KDM6A: variants seen among roughly 807,000 people sequenced by gnomAD.
KDM6A encodes the protein lysine demethylase 6A, also known as lysine-specific demethylase 6A.
Under a neutral mutation model 117.6 loss-of-function variants are expected in KDM6A, and 11 were observed. The ratio of observed to expected loss-of-function variants is 0.09; its 90% confidence interval spans 0.06 to 0.15. The LOEUF (loss-of-function observed/expected upper bound fraction) is 0.15. Ranked by LOEUF, KDM6A falls within the 10% of genes least tolerant of loss-of-function variation. The pLI is 1.00. For synonymous variants in KDM6A, 384 were observed against 396.1 expected (o/e 0.97, Z 0.36); for missense variants, 799 against 1,077.3 (o/e 0.74, Z 3.62).
At chrX:45,035,074 A>AT in intron 7 of KDM6A, 89 bp downstream of exon 7, 1 of 805,489 alleles carries the variant, frequency 1.2e-6, no homozygotes, top group South Asian at 2.1e-5. Flanking sequence ...ATTCTGTGCA[A>AT]TTTTTTCTTT....
At chrX:45,044,825 A>G (rs181828186) in intron 8 of KDM6A, among the ~76,000 whole-genome samples, 109 of 111,776 alleles carry the variant, frequency 9.8e-4, no homozygotes, top group Non-Finnish European at 1.5e-4. Context: ...ATTTTGAATA[A>G]CACTGTTTAT....
At chrX:44,952,388 C>T (rs773588827) in intron 2 of KDM6A, among the ~76,000 whole-genome samples, 1 of 108,572 alleles carries the variant, frequency 9.2e-6, no homozygotes, top group African/African-American at 3.4e-5. Context: ...TCTCCTGCCT[C>T]AGCCTCCTGA....
chrX:44,914,265 A>G (rs1041415659), intron 2 of KDM6A, among the ~76,000 whole-genome samples: 3 of 112,202 alleles, frequency 2.7e-5, no homozygotes, highest in Non-Finnish European at 5.6e-5. Flanking sequence ...CAGCACGCCT[A>G]TCTGCCTCGT....
intron 4 of KDM6A, among the ~76,000 whole-genome samples, chrX:44,980,523 A>G (rs1050740909): frequency 5.5e-5 from 6 of 108,448 alleles, no homozygotes; most frequent in Non-Finnish European, 7.6e-5. Context: ...CTCTACAGCA[A>G]TACTTCATAG....
chrX:44,981,736 A>T (rs1196236927), intron 4 of KDM6A, among the ~76,000 whole-genome samples: 3 of 110,987 alleles, frequency 2.7e-5, no homozygotes, highest in Admixed American at 9.6e-5. Flanking sequence ...ACAGCCCCCA[A>T]CCTGAAGCTA....
intron 20 of KDM6A, 45 bp from the exon 21 acceptor site, chrX:45,079,101 C>A: frequency 9.7e-7 from 1 of 1,033,450 alleles, no homozygotes; most frequent in Non-Finnish European, 1.3e-6. Context: ...AATATTATCC[C>A]AAATATAATT....
intron 2 of KDM6A, among the ~76,000 whole-genome samples, chrX:44,956,254 A>T (rs1045523977): frequency 8.9e-6 from 1 of 112,238 alleles, no homozygotes; most frequent in African/African-American, 3.2e-5. Flanking sequence ...TGCTATTCAG[A>T]ACTGATAATG....
chrX:44,962,953 G>C (rs1266196872), intron 3 of KDM6A, among the ~76,000 whole-genome samples: 1 of 111,391 alleles, frequency 9.0e-6, no homozygotes. Context: ...GAACTTTGTC[G>C]CATCAGTGGA....
intron 2 of KDM6A, among the ~76,000 whole-genome samples, chrX:44,912,067 G>A (rs752929123): frequency 3.7e-5 from 4 of 107,408 alleles, no homozygotes; most frequent in African/African-American, 1.4e-4. Context: ...GGAGGGAGAG[G>A]GAGAGGTTAT....
chrX:44,907,564 T>C (rs1373048265), intron 2 of KDM6A, among the ~76,000 whole-genome samples: 3 of 103,297 alleles, frequency 2.9e-5, no homozygotes, highest in African/African-American at 1.1e-4. Context: ...CACTGCAACC[T>C]TCACTTCCCG....
intron 4 of KDM6A, among the ~76,000 whole-genome samples, chrX:45,009,090 A>G (rs2041638400): frequency 8.9e-6 from 1 of 112,187 alleles, no homozygotes; most frequent in Admixed American, 9.4e-5. Flanking sequence ...CCTGATCCAA[A>G]CCCCAGGTTG....
chrX:44,940,349 T>C (rs1006473497), intron 2 of KDM6A, among the ~76,000 whole-genome samples: 2 of 111,706 alleles, frequency 1.8e-5, no homozygotes, highest in Non-Finnish European at 3.8e-5. Context: ...CCACCATGCC[T>C]GGCTGATGTC....
intron 28 of KDM6A, among the ~76,000 whole-genome samples, 160 bp from the exon 29 acceptor site, chrX:45,109,919 G>A (rs1366124434): frequency 1.8e-5 from 2 of 111,451 alleles, no homozygotes; most frequent in African/African-American, 6.5e-5. Flanking sequence ...AACCTGGTCT[G>A]TTAAAGATTC....
At chrX:44,966,972 C>T (rs1048567913) in intron 3 of KDM6A, among the ~76,000 whole-genome samples, 37 of 107,092 alleles carry the variant, frequency 3.5e-4, no homozygotes, top group Non-Finnish European at 4.8e-4. Context: ...CGGGTTCACG[C>T]CATTCTCCTG....
chrX:44,895,174 C>A (rs766837428), intron 2 of KDM6A, among the ~76,000 whole-genome samples: 2 of 108,457 alleles, frequency 1.8e-5, no homozygotes, highest in South Asian at 3.9e-4. Context: ...GGCACGATCT[C>A]GGCTCATTGC....
At chrX:44,879,970 T>A (rs763378513) in intron 2 of KDM6A, among the ~76,000 whole-genome samples, 21 of 110,025 alleles carry the variant, frequency 1.9e-4, no homozygotes, top group Admixed American at 5.8e-4. Context: ...GTCAGGAGTT[T>A]GAGACCAGCC....
intron 4 of KDM6A, among the ~76,000 whole-genome samples, chrX:45,000,568 C>T (rs1312061880): frequency 8.9e-6 from 1 of 112,259 alleles, no homozygotes; most frequent in Non-Finnish European, 1.9e-5. Flanking sequence ...CACATCTGCT[C>T]GGGGATGAAC....
At chrX:45,046,981 ATGGTGG>A (rs375095336) in intron 8 of KDM6A, among the ~76,000 whole-genome samples, 7 of 103,388 alleles carry the variant, frequency 6.8e-5, no homozygotes, top group Non-Finnish European at 9.8e-5. Context: ...GGTGGTGATG[ATGGTGG>A]TGGTGGTGGT....
intron 2 of KDM6A, among the ~76,000 whole-genome samples, chrX:44,910,667 C>T (rs1226615885): frequency 9.2e-6 from 1 of 109,021 alleles, no homozygotes; most frequent in Non-Finnish European, 1.9e-5. Flanking sequence ...TGTTTGTGTC[C>T]CTGGGTATTT....
Sources: allele counts gnomAD v4.1 joint callset (sites outside exome capture counted in the v4.1 genomes callset), GRCh38; gene constraint gnomAD v4.1.1; transcripts MANE v1.5; gene names NCBI Gene and HGNC (gene_info 2026-07-23, HGNC 2026-07-21).